SBSPON: variants seen among roughly 807,000 people sequenced by gnomAD.
The protein encoded by SBSPON is somatomedin-B and thrombospondin type-1 domain-containing protein.
In SBSPON, 30 loss-of-function variants were observed where a neutral mutation model predicts 35.8. That is an observed-to-expected ratio of 0.84 (90% CI 0.63 to 1.14). The LOEUF is 1.14. Ranked by LOEUF, SBSPON falls within the 50% of genes most tolerant of loss-of-function variation. The probability of loss-of-function intolerance (pLI) is 0.00; values close to 1 mark genes in which losing one functional copy is unlikely to be tolerated. For missense variants in SBSPON, 364 were observed against 357.7 expected (o/e 1.02, Z -0.14); for synonymous variants, 136 against 135.9 (o/e 1.00, Z 0.00).
chr8:73,075,563 C>T (rs1031445757), intron 2 of SBSPON: 14 of 152,396 alleles, frequency 9.2e-5, no homozygotes, highest in African/African-American at 3.4e-4. Flanking sequence ...AGGCGATTTG[C>T]CAATGTTTCT....
intron 1 of SBSPON, among the ~76,000 whole-genome samples, chr8:73,084,932 G>C (rs951052179): frequency 3.3e-5 from 5 of 152,114 alleles, no homozygotes; most frequent in African/African-American, 1.2e-4. Context: ...CCTGGTGCTT[G>C]GCACATGGTA....
At chr8:73,079,410 A>G (rs1810652867) in intron 2 of SBSPON, among the ~76,000 whole-genome samples, 1 of 151,968 alleles carries the variant, frequency 6.6e-6, no homozygotes, top group African/African-American at 2.4e-5. Flanking sequence ...AGCCCTGTCC[A>G]AGCACAGCCC....
intron 4 of SBSPON, 149 bp downstream of exon 4, chr8:73,069,656 G>A (rs1028618606): frequency 6.1e-6 from 4 of 656,868 alleles, no homozygotes; most frequent in African/African-American, 1.8e-5. Flanking sequence ...GCCCCAGGCA[G>A]TGCCAGAGGA....
chr8:73,085,906 T>A, intron 1 of SBSPON: 1 of 152,186 alleles, frequency 6.6e-6, no homozygotes, highest in Non-Finnish European at 1.5e-5. Flanking sequence ...AATCTAGCCC[T>A]GCCTATTGGC....
At chr8:73,069,626 T>C (rs773077371) in intron 4 of SBSPON, among the ~76,000 whole-genome samples, 179 bp downstream of exon 4, 5 of 152,136 alleles carry the variant, frequency 3.3e-5, no homozygotes, top group East Asian at 1.9e-4. Context: ...GTGGGTTCCA[T>C]AGTGGGAACT....
intron 2 of SBSPON, among the ~76,000 whole-genome samples, chr8:73,073,538 G>A (rs1175311928): frequency 2.0e-5 from 3 of 152,158 alleles, no homozygotes; most frequent in African/African-American, 7.2e-5. Context: ...AGGCACAGTG[G>A]CTCATGCCTG....
chr8:73,084,749 GACACACACACACACACACAC>G (rs57178636), intron 1 of SBSPON, among the ~76,000 whole-genome samples: 8 of 134,450 alleles, frequency 6.0e-5, no homozygotes, highest in African/African-American at 1.4e-4. Context: ...CCACTACACA[GACACACACACACACACACAC>G]ACACACACAC....
chr8:73,076,874 T>C (rs1810603491), intron 2 of SBSPON, among the ~76,000 whole-genome samples: 3 of 152,172 alleles, frequency 2.0e-5, no homozygotes. Flanking sequence ...GATTCTGATC[T>C]TCAGAAATGT....
intron 1 of SBSPON, among the ~76,000 whole-genome samples, chr8:73,087,129 T>C (rs1177179270): frequency 6.6e-6 from 1 of 152,222 alleles, no homozygotes; most frequent in Non-Finnish European, 1.5e-5. Flanking sequence ...TTGGTGTTTA[T>C]GTGGGGCCTA....
chr8:73,069,803 A>G lies in SBSPON; in HGVS notation c.677+2T>C. The G allele has an allele frequency of 1.2e-6, 2 of 1,612,522 alleles. No individual in the cohort carries two copies. Among genetic ancestry groups the G allele is most frequent in the African/African-American group, 2.7e-5 (2 of 75,018 alleles). ...AGTACTTCAGTTAATTTCCATTCTT[A>G]CCCATCGGAGTCCAGGCCATCTCCA... On this transcript the variant is annotated splice_donor_variant, in intron 4 of 4. Coordinates refer to ENST00000297354, the MANE Select transcript of SBSPON (RefSeq NM_153225.4). LOFTEE classifies it high-confidence loss of function.
Position 73,067,337 on chromosome 8 carries a change from C to T in SBSPON, c.*4G>A. On this transcript the variant is annotated 3_prime_UTR_variant, in exon 5 of 5. Coordinates refer to ENST00000297354, the MANE Select transcript of SBSPON (RefSeq NM_153225.4). The stretch of plus-strand genomic sequence containing the variant: ...AATGCATTTGGAAATATTTATATCA[C>T]CATCTATATAAAAATAAAACTGTGA... 1.4e-6 allele frequency: 2 copies of T among 1,388,934 alleles called. No homozygotes were observed. Among genetic ancestry groups the T allele is most frequent in the Non-Finnish European group, 2.1e-6 (2 of 975,454 alleles). 86.0% of individuals were successfully genotyped at this position (1,388,934 alleles called of 1,614,324 possible).
At position 73,067,452 on chromosome 8, in the gene SBSPON, C is replaced by A. The variant is rs1586087210; in HGVS notation, c.684G>T (p.Gln228His). Residue 228 changes from glutamine to histidine, a missense_variant, in exon 5 of 5, where the codon CAG becomes CAT. Transcript: ENST00000297354. ...TACCAATTGCTTGCCAATGGAGAGT[C>A]TGATTTCTGAAACGATATTTCGAAA... is the stretch of plus-strand genomic sequence containing the variant. ...SGDGLDSDGN[Q>H]TLHWQAIGNP... 1.9e-6 allele frequency: 3 copies of A among 1,589,890 alleles called. No individual in the cohort carries two copies. The East Asian group carries it at 6.7e-5, about 36-fold the overall frequency.
At position 73,093,166 on chromosome 8, in the gene SBSPON, G is replaced by T; in HGVS notation, c.-99C>A. 4.0e-6 allele frequency: 2 copies of T among 502,686 alleles called. No individual in the cohort carries two copies. Among genetic ancestry groups the T allele is most frequent in the Non-Finnish European group, 5.7e-6 (2 of 349,974 alleles). The allele number at this position is 502,686 out of a possible 1,614,324, so 31.1% of individuals were successfully genotyped here. A position where few individuals can be genotyped will look rare whatever the true frequency, so the allele number is the denominator to read the frequency against. On this transcript the variant is annotated 5_prime_UTR_variant, in exon 1 of 5. Coordinates refer to ENST00000297354, the MANE Select transcript of SBSPON (RefSeq NM_153225.4). The stretch of plus-strand genomic sequence containing the variant: ...CCCGGGAGCTGCCCGAGCGGCCGGC[G>T]AGGCACAGCCGGGCCCTGCCCTGCG...
chr8:73,074,551 G>A (rs568584954), intron 2 of SBSPON: 16 of 981,918 alleles, frequency 1.6e-5, no homozygotes, highest in African/African-American at 8.7e-5. Context: ...CAACGTCTCC[G>A]AAATCAAACT....
intron 1 of SBSPON, among the ~76,000 whole-genome samples, chr8:73,085,032 A>T (rs1810797287): frequency 6.6e-6 from 1 of 152,130 alleles, no homozygotes; most frequent in African/African-American, 2.4e-5. Context: ...ATTGAAACAG[A>T]CTCTGATCTG....
Position 73,074,550 on chromosome 8 carries a change from C to T in SBSPON, c.410-2680G>A, listed in dbSNP as rs374781085. 1.7e-4 allele frequency: 163 copies of T among 981,776 alleles called. No individual in the cohort carries two copies. In the African/African-American group the frequency reaches 2.0e-3, roughly 12 times the overall value. 60.8% of individuals were successfully genotyped at this position (981,776 alleles called of 1,614,324 possible). ...ATATAGCACAGCCAGGCAACGTCTCCGAAATCAAACTCCTCAGGGCGGCAC... is the reference window on the plus strand; with the variant it reads ...ATATAGCACAGCCAGGCAACGTCTCTGAAATCAAACTCCTCAGGGCGGCAC... On this transcript the variant is annotated intron_variant, in intron 2 of 4. Transcript: ENST00000297354.
intron 1 of SBSPON, among the ~76,000 whole-genome samples, chr8:73,089,122 T>C (rs1810887086): frequency 6.6e-6 from 1 of 152,260 alleles, no homozygotes; most frequent in African/African-American, 2.4e-5. Context: ...TAAACAAAGA[T>C]GATCAATATC....
chr8:73,092,893 T>TGAAGCGACA lies in SBSPON; in HGVS notation c.166_174dup (p.Cys56_Phe58dup), dbSNP rs756043144. On this transcript the variant is annotated inframe_insertion, in exon 1 of 5. Coordinates refer to ENST00000297354, the MANE Select transcript of SBSPON (RefSeq NM_153225.4). ...TCGTAGTCGAAGCAGCAGTCCCCGG[T>TGAAGCGACA]GAAGCGACAGGCTTGGTCGCAGAAA... 4.7e-5 allele frequency: 76 copies of TGAAGCGACA among 1,611,792 alleles called. No homozygotes were observed. The highest frequency in any genetic ancestry group is 4.7e-4 in the Admixed American group (28 of 59,860).
intron 3 of SBSPON, among the ~76,000 whole-genome samples, 167 bp from the exon 4 acceptor site, chr8:73,070,148 C>G (rs1368961618): frequency 6.6e-6 from 1 of 152,156 alleles, no homozygotes; most frequent in African/African-American, 2.4e-5. Flanking sequence ...TTCTCATTCC[C>G]TGAAGCATGG....
Sources: gnomAD v4.1 joint callset for allele counts (sites outside exome capture counted in the v4.1 genomes callset) on GRCh38, gnomAD v4.1.1 for gene constraint, MANE v1.5 for transcripts, NCBI Gene and HGNC (gene_info 2026-07-23, HGNC 2026-07-21) for gene names.